The following PLXDC2 variants were observed in gnomAD, a reference collection of about 807,000 sequenced individuals.
PLXDC2 encodes plexin domain-containing protein 2.
In PLXDC2, 40 loss-of-function variants were observed where a neutral mutation model predicts 68.9. That is an observed-to-expected ratio of 0.58 (90% CI 0.45 to 0.76). The LOEUF (loss-of-function observed/expected upper bound fraction) is 0.76, where lower values mean the gene tolerates loss of function less well. Ranked by LOEUF, PLXDC2 falls within the 30% of genes least tolerant of loss-of-function variation. The pLI is 0.00. For missense variants in PLXDC2, 644 were observed against 661.9 expected (o/e 0.97, Z 0.30); for synonymous variants, 243 against 234.2 (o/e 1.04, Z -0.34).
Position 20,052,672 on chromosome 10 carries a change from G to A in PLXDC2, c.471+5657G>A, listed in dbSNP as rs188903910. On this transcript the variant is annotated intron_variant, in intron 3 of 13. Coordinates refer to ENST00000377252, the MANE Select transcript of PLXDC2 (RefSeq NM_032812.9). ...GGGAGTTTCTCGAATCTTATCAGCA[G>A]TTCATGTAATTTGCATGCCCAAGAA... Among the ~76,000 whole-genome samples the A allele has an allele frequency of 2.2e-5, 3 of 136,584 alleles. No homozygotes were observed. In the Admixed American group the frequency reaches 2.4e-4, roughly 11 times the overall value. 89.6% of individuals were successfully genotyped at this position (136,584 alleles called of 152,430 possible).
intron 4 of PLXDC2, among the ~76,000 whole-genome samples, chr10:20,138,256 C>G (rs1380187244): frequency 6.6e-6 from 1 of 152,112 alleles, no homozygotes; most frequent in African/African-American, 2.4e-5. Flanking sequence ...TTCCAAGAAC[C>G]TGGAGATGTT....
At chr10:20,069,891 A>G (rs983715460) in intron 4 of PLXDC2, among the ~76,000 whole-genome samples, 4 of 152,190 alleles carry the variant, frequency 2.6e-5, no homozygotes, top group African/African-American at 4.8e-5. Context: ...ATGGGTTTCC[A>G]GGGATGATAT....
intron 2 of PLXDC2, among the ~76,000 whole-genome samples, chr10:20,030,932 A>T (rs1278668734): frequency 2.0e-5 from 3 of 151,828 alleles, no homozygotes; most frequent in Non-Finnish European, 4.4e-5. Flanking sequence ...TTGTGAATAA[A>T]CCCAAATTTA....
chr10:20,177,147 C>T, intron 8 of PLXDC2, 53 bp downstream of exon 8: 1 of 1,432,846 alleles, frequency 7.0e-7, no homozygotes, highest in Non-Finnish European at 9.8e-7. Context: ...ATTTGATGAT[C>T]TGATCTGTTC....
intron 1 of PLXDC2, among the ~76,000 whole-genome samples, chr10:19,863,381 G>T (rs16919468): frequency 6.6e-6 from 1 of 152,136 alleles, no homozygotes; most frequent in Non-Finnish European, 1.5e-5. Context: ...GGGCTGGTAC[G>T]TTGCACAGAG....
chr10:19,829,111 A>C (rs1239479241), intron 1 of PLXDC2, among the ~76,000 whole-genome samples: 1 of 149,270 alleles, frequency 6.7e-6, no homozygotes, highest in Non-Finnish European at 1.5e-5. Flanking sequence ...TCTGTTCTGA[A>C]ATTGTGCACG....
intron 1 of PLXDC2, among the ~76,000 whole-genome samples, chr10:19,945,391 G>T (rs903731932): frequency 2.6e-5 from 4 of 152,162 alleles, no homozygotes; most frequent in Non-Finnish European, 4.4e-5. Context: ...AAGTCATGCA[G>T]TCCTGCTGGT....
In PLXDC2 at chr10:19,819,648, A is replaced by G. The variant is rs150223990; in HGVS notation, c.112+2457A>G. Among the ~76,000 whole-genome samples the G allele has an allele frequency of 1.5e-4, 23 of 152,338 alleles. No individual in the cohort carries two copies. The East Asian group carries it at 3.9e-3, about 26-fold the overall frequency. Reference sequence around the variant, plus strand: ...TTCATTGCCACCAGAGGGCAGATAAACTGCTAATTTCCTCTATTATTCCCT... The same window carrying G: ...TTCATTGCCACCAGAGGGCAGATAAGCTGCTAATTTCCTCTATTATTCCCT... On this transcript the variant is annotated intron_variant, in intron 1 of 13. Coordinates refer to ENST00000377252, the MANE Select transcript of PLXDC2 (RefSeq NM_032812.9).
intron 1 of PLXDC2, among the ~76,000 whole-genome samples, chr10:19,869,040 T>C (rs1021909565): frequency 3.6e-4 from 55 of 152,284 alleles, no homozygotes; most frequent in Admixed American, 7.8e-4. Flanking sequence ...TGACTTGTCA[T>C]AGGCTTTAGA....
intron 1 of PLXDC2, among the ~76,000 whole-genome samples, chr10:19,883,329 A>G (rs1048690519): frequency 2.0e-5 from 3 of 152,206 alleles, no homozygotes; most frequent in Non-Finnish European, 4.4e-5. Context: ...AGTGAAAAGC[A>G]TGAGAGGTGT....
intron 12 of PLXDC2, among the ~76,000 whole-genome samples, chr10:20,234,438 C>T (rs534416503): frequency 6.6e-6 from 1 of 152,156 alleles, no homozygotes; most frequent in African/African-American, 2.4e-5. Flanking sequence ...TTTTCCTAAG[C>T]AGCGTGATTC....
At chr10:19,824,668 G>A (rs1409098945) in intron 1 of PLXDC2, among the ~76,000 whole-genome samples, 2 of 152,182 alleles carry the variant, frequency 1.3e-5, no homozygotes, top group African/African-American at 4.8e-5. Context: ...GACAGGCTAA[G>A]TAGTGATGCT....
intron 2 of PLXDC2, among the ~76,000 whole-genome samples, chr10:20,037,941 G>A (rs754538068): frequency 3.3e-5 from 5 of 152,116 alleles, no homozygotes; most frequent in Admixed American, 6.5e-5. Context: ...CTAATCTAAC[G>A]TTTTTAGGAG....
intron 2 of PLXDC2, among the ~76,000 whole-genome samples, chr10:20,018,366 A>T (rs1835248791): frequency 6.6e-6 from 1 of 152,190 alleles, no homozygotes; most frequent in Non-Finnish European, 1.5e-5. Flanking sequence ...CTTCTCTACT[A>T]TTCTCCTATA....
intron 13 of PLXDC2, among the ~76,000 whole-genome samples, chr10:20,279,077 A>G (rs1183662610): frequency 2.0e-5 from 3 of 152,190 alleles, no homozygotes; most frequent in Admixed American, 6.6e-5. Context: ...GATTGGCCAC[A>G]CCCTCTGATA....
intron 7 of PLXDC2, among the ~76,000 whole-genome samples, chr10:20,176,786 C>G (rs1455137020): frequency 6.6e-6 from 1 of 152,024 alleles, no homozygotes; most frequent in East Asian, 1.9e-4. Flanking sequence ...ATCTGAGACC[C>G]TAATCAACAC....
chr10:20,280,240 A>G lies in PLXDC2; in HGVS notation c.*421A>G, dbSNP rs1163598295. On this transcript the variant is annotated 3_prime_UTR_variant, in exon 14 of 14. Coordinates refer to ENST00000377252, the MANE Select transcript of PLXDC2 (RefSeq NM_032812.9). ...GATGTCTCAAAGATAACTGTTTTCC[A>G]AAGCCTGAACCCTTTCACTCAAAAG... is the stretch of plus-strand genomic sequence containing the variant. The G allele has an allele frequency of 1.9e-5, 3 of 156,392 alleles. No homozygotes were observed. The highest frequency in any genetic ancestry group is 7.2e-5 in the African/African-American group (3 of 41,608). 9.7% of individuals were successfully genotyped at this position (156,392 alleles called of 1,614,324 possible). A position where few individuals can be genotyped will look rare whatever the true frequency, so the allele number is the denominator to read the frequency against.
At chr10:20,230,716 A>AAAAAAAAAAAAAAAG (rs1835352727) in intron 12 of PLXDC2, among the ~76,000 whole-genome samples, 1 of 139,420 alleles carries the variant, frequency 7.2e-6, no homozygotes. Context: ...AAAAAAAAAC[A>AAAAAAAAAAAAAAAG]GGAAAACAGT....
intron 1 of PLXDC2, among the ~76,000 whole-genome samples, chr10:19,859,589 G>A (rs1409565194): frequency 6.6e-6 from 1 of 152,034 alleles, no homozygotes; most frequent in Non-Finnish European, 1.5e-5. Context: ...GTTGACCTGG[G>A]GACCTATCCC....
Sources: allele counts gnomAD v4.1 joint callset (sites outside exome capture counted in the v4.1 genomes callset), GRCh38; gene constraint gnomAD v4.1.1; transcripts MANE v1.5; gene names NCBI Gene and HGNC (gene_info 2026-07-23, HGNC 2026-07-21).